The following MBOAT1 variants were observed in gnomAD, a reference collection of about 807,000 sequenced individuals.
The protein encoded by MBOAT1 is membrane bound glycerophospholipid O-acyltransferase 1, also known as membrane-bound glycerophospholipid O-acyltransferase 1.
MBOAT1 carries 67 observed loss-of-function variants against 64.4 expected under a neutral mutation model. The ratio of observed to expected loss-of-function variants is 1.04; its 90% confidence interval spans 0.85 to 1.27. The LOEUF (loss-of-function observed/expected upper bound fraction) is 1.27. Among genes scored for constraint, MBOAT1 ranks in the 50% most tolerant of loss-of-function variants. The pLI, the probability that MBOAT1 is intolerant of heterozygous loss-of-function variation, is 0.00. For missense variants in MBOAT1, 563 were observed against 604.6 expected (o/e 0.93, Z 0.72); for synonymous variants, 229 against 218.9 (o/e 1.05, Z -0.41).
At chr6:20,132,555 T>G (rs1328942149) in intron 4 of MBOAT1, among the ~76,000 whole-genome samples, 1 of 152,040 alleles carries the variant, frequency 6.6e-6, no homozygotes, top group Admixed American at 6.6e-5. Context: ...GATGTACACA[T>G]GAAAGAACAG....
intron 12 of MBOAT1, among the ~76,000 whole-genome samples, chr6:20,108,666 A>C (rs913732587): frequency 1.3e-5 from 2 of 152,236 alleles, no homozygotes; most frequent in Non-Finnish European, 2.9e-5. Flanking sequence ...ACTATTTAAA[A>C]AATGATACGA....
intron 1 of MBOAT1, among the ~76,000 whole-genome samples, chr6:20,162,723 C>T (rs1761898482): frequency 6.6e-6 from 1 of 152,210 alleles, no homozygotes; most frequent in South Asian, 2.1e-4. Context: ...ATTAGTCAAA[C>T]TGAGAGGCTT....
intron 11 of MBOAT1, among the ~76,000 whole-genome samples, chr6:20,111,660 G>A (rs1362966182): frequency 6.6e-6 from 1 of 151,286 alleles, no homozygotes; most frequent in East Asian, 1.9e-4. Context: ...CTGACCACTT[G>A]TTCTTTAGTT....
At chr6:20,169,639 AAACCTTATCCCACCC>A (rs1762132987) in intron 1 of MBOAT1, among the ~76,000 whole-genome samples, 2 of 152,086 alleles carry the variant, frequency 1.3e-5, no homozygotes, top group Admixed American at 1.3e-4. Flanking sequence ...GAAAAAGAAA[AAACCTTATCCCACCC>A]AACAGCAAAC....
At chr6:20,135,109 A>G (rs934078215) in intron 4 of MBOAT1, among the ~76,000 whole-genome samples, 1 of 152,184 alleles carries the variant, frequency 6.6e-6, no homozygotes, top group Non-Finnish European at 1.5e-5. Context: ...GCACTTGTCA[A>G]TCATAGGATC....
chr6:20,177,785 AAAAAAAC>A (rs796542771), intron 1 of MBOAT1, among the ~76,000 whole-genome samples: 39 of 148,006 alleles, frequency 2.6e-4, no homozygotes, highest in East Asian at 1.0e-3. Context: ...AAAAAAAAAA[AAAAAAAC>A]AAAAAACTTG....
intron 3 of MBOAT1, among the ~76,000 whole-genome samples, chr6:20,147,332 G>A (rs185709484): frequency 6.6e-6 from 1 of 152,354 alleles, no homozygotes; most frequent in Admixed American, 6.5e-5. Flanking sequence ...CTAGGAAGGA[G>A]AGGTGTGGTA....
chr6:20,157,231 T>C lies in MBOAT1; in HGVS notation c.100-4462A>G, dbSNP rs952912631. On this transcript the variant is annotated intron_variant, in intron 1 of 12. Transcript: ENST00000324607. ...TGCTTAAGCCTACAGTTCAAGGTTA[T>C]GGAGAGCTATGATCATGCCACTGCA... 8.5e-5 allele frequency among the ~76,000 whole-genome samples: 13 copies of C among 152,138 alleles called. 1 individual carries two copies. The highest frequency in any genetic ancestry group is 3.1e-4 in the African/African-American group (13 of 41,432).
intron 5 of MBOAT1, 65 bp from the exon 6 acceptor site, chr6:20,128,818 G>C: frequency 1.7e-6 from 2 of 1,156,874 alleles, no homozygotes; most frequent in Non-Finnish European, 2.5e-6. Flanking sequence ...AATTATAAAA[G>C]GGTCTTATCA....
chr6:20,152,819 GTTT>G, intron 1 of MBOAT1, 50 bp from the exon 2 acceptor site: 2 of 1,540,568 alleles, frequency 1.3e-6, no homozygotes, highest in Non-Finnish European at 1.8e-6. Flanking sequence ...TTTCGTCTTG[GTTT>G]TTTTGTTTGT....
At chr6:20,117,218 C>T (rs951260543) in intron 9 of MBOAT1, among the ~76,000 whole-genome samples, 3 of 152,182 alleles carry the variant, frequency 2.0e-5, no homozygotes, top group African/African-American at 7.2e-5. Context: ...CAAGGCTTTC[C>T]ACCCACAGGA....
intron 10 of MBOAT1, among the ~76,000 whole-genome samples, chr6:20,113,694 A>T (rs892208683): frequency 1.3e-5 from 2 of 152,038 alleles, no homozygotes; most frequent in Non-Finnish European, 2.9e-5. Flanking sequence ...TTGTTTATTT[A>T]AAAAAAGTGA....
intron 12 of MBOAT1, among the ~76,000 whole-genome samples, chr6:20,104,521 A>G (rs553625148): frequency 1.3e-5 from 2 of 152,378 alleles, no homozygotes; most frequent in East Asian, 3.9e-4. Context: ...TAGATATCCA[A>G]TAAATACTGG....
rs557811388 is a variant in MBOAT1, at chr6:20,185,892, T to G, written c.99+26244A>C. On this transcript the variant is annotated intron_variant, in intron 1 of 12. Transcript: ENST00000324607. ...GTTAATATCAATTCTACCTGCTGTCTCCCATCAATAAATGATTTGGGGCTC... is the reference window on the plus strand; with the variant it reads ...GTTAATATCAATTCTACCTGCTGTCGCCCATCAATAAATGATTTGGGGCTC... Among the ~76,000 whole-genome samples the G allele has an allele frequency of 2.6e-5, 4 of 152,256 alleles. No individual in the cohort carries two copies. The South Asian group carries it at 8.3e-4, about 32-fold the overall frequency.
At chr6:20,198,402 A>G (rs1763022793) in intron 1 of MBOAT1, among the ~76,000 whole-genome samples, 1 of 152,228 alleles carries the variant, frequency 6.6e-6, no homozygotes, top group Non-Finnish European at 1.5e-5. Context: ...GCAAAATAAC[A>G]TAACAAAGGT....
At chr6:20,160,757 G>A (rs1761829401) in intron 1 of MBOAT1, among the ~76,000 whole-genome samples, 1 of 152,088 alleles carries the variant, frequency 6.6e-6, no homozygotes, top group Admixed American at 6.5e-5. Flanking sequence ...ATTCCTTCCT[G>A]TACCACAGAA....
chr6:20,166,520 A>C (rs1231655237), intron 1 of MBOAT1, among the ~76,000 whole-genome samples: 1 of 152,100 alleles, frequency 6.6e-6, no homozygotes, highest in East Asian at 1.9e-4. Flanking sequence ...GCATGCCTTT[A>C]GACAAAGGTA....
rs1328639515 is a variant in MBOAT1, at chr6:20,109,690, A to G, written c.1269T>C (p.Asp423=). The G allele has an allele frequency of 6.2e-7, 1 of 1,614,050 alleles. No homozygotes were observed. The highest frequency in any genetic ancestry group is 2.2e-5 in the East Asian group (1 of 44,878). The change falls in exon 12 of 13, where the codon GAT becomes GAC. Residue 423 remains aspartate, a synonymous_variant. Transcript: ENST00000324607. ...GCTGAGTGACGGCCCAGGTGCCTGC[A>G]TCATACACAGCCTTGAGAGCTCTTG... ...LSSRALKAVY[D]AGTWAVTQLA...
chr6:20,197,609 T>C (rs1192721286), intron 1 of MBOAT1, among the ~76,000 whole-genome samples: 1 of 152,228 alleles, frequency 6.6e-6, no homozygotes. Context: ...ATTTGTCTCT[T>C]ATCTACCTAT....
Sources: gnomAD v4.1 joint callset for allele counts (sites outside exome capture counted in the v4.1 genomes callset) on GRCh38, gnomAD v4.1.1 for gene constraint, MANE v1.5 for transcripts, NCBI Gene and HGNC (gene_info 2026-07-23, HGNC 2026-07-21) for gene names.